The following SHISA6 variants were observed in gnomAD, a reference collection of about 807,000 sequenced individuals.
SHISA6 encodes protein shisa-6.
A neutral mutation model predicts 47.9 loss-of-function variants in SHISA6; 22 were observed. That is an observed-to-expected ratio of 0.46 (90% CI 0.33 to 0.66). The LOEUF is 0.66. SHISA6 is among the 30% of genes least tolerant of loss of function. SHISA6 has a pLI of 0.02. For synonymous variants in SHISA6, 388 were observed against 337.8 expected, an observed-to-expected ratio of 1.15 and a Z score of -1.63; for missense variants, 680 against 764.6, an observed-to-expected ratio of 0.89 and a Z score of 1.30.
chr17:11,325,375 C>G (rs1179010615), intron 2 of SHISA6, among the ~76,000 whole-genome samples: 1 of 152,336 alleles, frequency 6.6e-6, no homozygotes, highest in African/African-American at 2.4e-5. Context: ...GTTACCCTCC[C>G]CACTGCTGCG....
intron 4 of SHISA6, among the ~76,000 whole-genome samples, chr17:11,552,662 A>T (rs1026506388): frequency 1.3e-5 from 2 of 152,254 alleles, no homozygotes; most frequent in Admixed American, 6.5e-5. Context: ...AGAAACTCAA[A>T]ACAATGATAA....
At chr17:11,377,533 A>T (rs1030788293) in intron 2 of SHISA6, among the ~76,000 whole-genome samples, 2 of 152,230 alleles carry the variant, frequency 1.3e-5, no homozygotes, top group Non-Finnish European at 2.9e-5. Flanking sequence ...CTTCTGAATC[A>T]GAAACTCTGG....
chr17:11,488,313 T>C (rs973923531), intron 3 of SHISA6, among the ~76,000 whole-genome samples: 8 of 152,076 alleles, frequency 5.3e-5, no homozygotes, highest in East Asian at 1.9e-4. Flanking sequence ...AACACCATAT[T>C]GTTCAACATC....
At chr17:11,479,738 C>T (rs1219825544) in intron 3 of SHISA6, among the ~76,000 whole-genome samples, 10 of 151,508 alleles carry the variant, frequency 6.6e-5, no homozygotes, top group Non-Finnish European at 1.3e-4. Context: ...CATATACAAG[C>T]ATATATATAT....
rs140704095 is a variant in SHISA6 at position 11,321,236 on chromosome 17, C to T, written c.799+57710C>T. On this transcript the variant is annotated intron_variant, in intron 2 of 5. Coordinates refer to ENST00000441885, the MANE Select transcript of SHISA6 (RefSeq NM_207386.4). ...GATATAGGATTTTAGCTATATGTAT[C>T]GTATGTATCAGGAAAGCTAATGCAG... 2.2e-3 allele frequency among the ~76,000 whole-genome samples: 341 copies of T among 152,224 alleles called. 1 individual carries two copies. Among genetic ancestry groups the T allele is most frequent in the African/African-American group, 7.7e-3 (322 of 41,550 alleles).
At chr17:11,392,755 T>G (rs1420078667) in intron 3 of SHISA6, among the ~76,000 whole-genome samples, 1 of 152,146 alleles carries the variant, frequency 6.6e-6, no homozygotes. Flanking sequence ...TGTAGCAGAT[T>G]AGAGAGAAGC....
chr17:11,411,857 C>G (rs530821716), intron 3 of SHISA6, among the ~76,000 whole-genome samples: 2 of 152,122 alleles, frequency 1.3e-5, no homozygotes, highest in Non-Finnish European at 2.9e-5. Context: ...TTATTGACCA[C>G]GCACGTGCAT....
At chr17:11,256,501 A>G (rs1307281325) in intron 1 of SHISA6, among the ~76,000 whole-genome samples, 2 of 152,108 alleles carry the variant, frequency 1.3e-5, no homozygotes, top group Non-Finnish European at 2.9e-5. Flanking sequence ...ATCTCAAAAA[A>G]CAAAACAAAA....
intron 3 of SHISA6, among the ~76,000 whole-genome samples, chr17:11,483,147 C>A (rs1280231388): frequency 6.6e-6 from 1 of 151,794 alleles, no homozygotes; most frequent in Non-Finnish European, 1.5e-5. Flanking sequence ...ACTAATAATA[C>A]AAAATTAGCT....
At chr17:11,502,468 C>G (rs976047135) in intron 3 of SHISA6, among the ~76,000 whole-genome samples, 11 of 145,614 alleles carry the variant, frequency 7.6e-5, no homozygotes, top group African/African-American at 2.5e-4. Flanking sequence ...TGGCTCACAG[C>G]CGTAATCCCA....
intron 1 of SHISA6, among the ~76,000 whole-genome samples, chr17:11,250,477 G>A (rs569428992): frequency 2.0e-5 from 3 of 152,338 alleles, no homozygotes; most frequent in East Asian, 3.9e-4. Context: ...ATTGATCACC[G>A]AAATGGAGCG....
At chr17:11,548,440 C>CATATATATATATATATAT (rs10578711) in intron 3 of SHISA6, among the ~76,000 whole-genome samples, 6 of 148,550 alleles carry the variant, frequency 4.0e-5, no homozygotes, top group African/African-American at 9.9e-5. Context: ...ATGCATATTT[C>CATATATATATATATATAT]ATATATATAT....
At position 11,472,165 on chromosome 17, in the gene SHISA6, T is replaced by A. The variant is rs192159832; in HGVS notation, c.896-79731T>A. 5.9e-5 allele frequency among the ~76,000 whole-genome samples: 9 copies of A among 152,316 alleles called. No individual in the cohort carries two copies. In the East Asian group the frequency reaches 1.7e-3, roughly 29 times the overall value. On this transcript the variant is annotated intron_variant, in intron 3 of 5. Coordinates refer to ENST00000441885, the MANE Select transcript of SHISA6 (RefSeq NM_207386.4). ...TGGTTTTTTGTTTTCTGGAATGTCATATAGTTGGAATCATATCAGTATGCA... is the reference window on the plus strand; with the variant it reads ...TGGTTTTTTGTTTTCTGGAATGTCAAATAGTTGGAATCATATCAGTATGCA...
chr17:11,365,997 A>G (rs1474703759), intron 2 of SHISA6, among the ~76,000 whole-genome samples: 3 of 152,206 alleles, frequency 2.0e-5, no homozygotes, highest in African/African-American at 7.2e-5. Context: ...GGGAACTGCA[A>G]GTGCAAAGGA....
At position 11,554,439 on chromosome 17, in the gene SHISA6, G is replaced by C. The variant is rs557338770; in HGVS notation, c.953-1301G>C. The stretch of plus-strand genomic sequence containing the variant: ...AAAGTCAGGAGTCCCCGGTGCTTGG[G>C]GCTGCCCTTGGACAATGCCTAGGAG... On this transcript the variant is annotated intron_variant, in intron 4 of 5. Coordinates refer to ENST00000441885, the MANE Select transcript of SHISA6 (RefSeq NM_207386.4). 3.0e-4 allele frequency among the ~76,000 whole-genome samples: 46 copies of C among 152,146 alleles called. 1 individual carries two copies. Among genetic ancestry groups the C allele is most frequent in the African/African-American group, 1.0e-3 (43 of 41,528 alleles).
rs758067198 is a variant in SHISA6, at chr17:11,459,048, A to T, written c.895+79539A>T. On this transcript the variant is annotated intron_variant, in intron 3 of 5. Transcript: ENST00000441885. ...AACACGGTGAAACCCCGTCTCTACT[A>T]AAAAAAAAAAATGCAAAAAAATTAG... Among the ~76,000 whole-genome samples the T allele has an allele frequency of 6.2e-3, 391 of 62,668 alleles. 1 individual carries two copies. The highest frequency in any genetic ancestry group is 8.3e-3 in the Non-Finnish European group (260 of 31,482). The allele number at this position is 62,668 out of a possible 152,430, so 41.1% of individuals were successfully genotyped here.
At chr17:11,353,974 G>T (rs770373097) in intron 2 of SHISA6, among the ~76,000 whole-genome samples, 1 of 152,084 alleles carries the variant, frequency 6.6e-6, no homozygotes, top group Non-Finnish European at 1.5e-5. Flanking sequence ...GGGGTTTCCC[G>T]ACTTCAGCAC....
intron 2 of SHISA6, among the ~76,000 whole-genome samples, chr17:11,322,722 A>G (rs1234139964): frequency 2.0e-5 from 3 of 152,212 alleles, no homozygotes; most frequent in Admixed American, 2.0e-4. Flanking sequence ...TCTTATGTGC[A>G]TACATGGGTT....
intron 2 of SHISA6, chr17:11,290,187 A>T (rs1909471680): frequency 6.6e-6 from 1 of 151,472 alleles, no homozygotes; most frequent in African/African-American, 2.4e-5. Flanking sequence ...GACCTAAATT[A>T]TACCCAATTT....
Sources: gnomAD v4.1 joint callset for allele counts (sites outside exome capture counted in the v4.1 genomes callset) on GRCh38, gnomAD v4.1.1 for gene constraint, MANE v1.5 for transcripts, NCBI Gene and HGNC (gene_info 2026-07-23, HGNC 2026-07-21) for gene names.